Variants in KCNIP4 observed in about 807,000 individuals in gnomAD.
The protein encoded by KCNIP4 is potassium voltage-gated channel interacting protein 4, also known as Kv channel-interacting protein 4.
Under a neutral mutation model 34.0 loss-of-function variants are expected in KCNIP4, and 12 were observed. The ratio of observed to expected loss-of-function variants is 0.35; its 90% CI spans 0.23 to 0.57. KCNIP4 has a LOEUF of 0.57. Ranked by LOEUF, KCNIP4 falls within the 20% of genes least tolerant of loss-of-function variation. The pLI is 0.83. For synonymous variants in KCNIP4, 124 were observed against 102.2 expected (o/e 1.21, Z -1.29); for missense variants, 238 against 311.7 (o/e 0.76, Z 1.78).
At position 21,238,342 on chromosome 4, in the gene KCNIP4, C is replaced by A. The variant is rs1322581719; in HGVS notation, c.62-355633G>T. ...CACAAGACAGGGATGCCCTCTCTCA[C>A]CACTCCTATTCAACATAATGTTGGA... On this transcript the variant is annotated intron_variant, in intron 1 of 8. Coordinates refer to ENST00000382152, the MANE Select transcript of KCNIP4 (RefSeq NM_025221.6). Among the ~76,000 whole-genome samples, 6 of 152,112 alleles carry A rather than the reference C, an allele frequency of 3.9e-5. No individual in the cohort carries two copies. The East Asian group carries it at 1.2e-3, about 29-fold the overall frequency.
chr4:21,764,274 TG>T, intron 1 of KCNIP4, among the ~76,000 whole-genome samples: 1 of 152,178 alleles, frequency 6.6e-6, no homozygotes, highest in Non-Finnish European at 1.5e-5. Flanking sequence ...AGACAAACTT[TG>T]AAGTTCAGAA....
chr4:21,117,786 G>A (rs1749818337), intron 1 of KCNIP4, among the ~76,000 whole-genome samples: 1 of 151,994 alleles, frequency 6.6e-6, no homozygotes, highest in Non-Finnish European at 1.5e-5. Context: ...ATCCCTACTT[G>A]TTTTGCCTCT....
chr4:21,231,582 T>C (rs949999296), intron 1 of KCNIP4, among the ~76,000 whole-genome samples: 1 of 152,120 alleles, frequency 6.6e-6, no homozygotes, highest in African/African-American at 2.4e-5. Context: ...GTTGGCTCTT[T>C]TGTAAAAAAA....
chr4:20,900,749 T>C (rs1301706930), intron 1 of KCNIP4, among the ~76,000 whole-genome samples: 2 of 151,898 alleles, frequency 1.3e-5, no homozygotes, highest in Non-Finnish European at 2.9e-5. Context: ...CCCAGCACTG[T>C]CAACAGACTT....
chr4:20,992,919 T>C (rs1212445115), intron 1 of KCNIP4, among the ~76,000 whole-genome samples: 1 of 149,750 alleles, frequency 6.7e-6, no homozygotes, highest in Non-Finnish European at 1.5e-5. Context: ...TCCCAGCTAC[T>C]CTGGAGGCTG....
At chr4:21,015,697 A>G (rs1169543794) in intron 1 of KCNIP4, among the ~76,000 whole-genome samples, 1 of 132,974 alleles carries the variant, frequency 7.5e-6, no homozygotes, top group Non-Finnish European at 1.5e-5. Context: ...TTAATATAAT[A>G]TAATATATTA....
chr4:21,195,966 G>A (rs1756027732), intron 1 of KCNIP4, among the ~76,000 whole-genome samples: 1 of 152,156 alleles, frequency 6.6e-6, no homozygotes, highest in Non-Finnish European at 1.5e-5. Flanking sequence ...CCAGATTTGG[G>A]CAACTCAAGT....
chr4:20,943,341 A>T, intron 1 of KCNIP4, among the ~76,000 whole-genome samples: 1 of 152,210 alleles, frequency 6.6e-6, no homozygotes, highest in Non-Finnish European at 1.5e-5. Context: ...AGCCTATAAG[A>T]CTGTATTCTC....
intron 1 of KCNIP4, among the ~76,000 whole-genome samples, chr4:21,674,237 T>C (rs1749715326): frequency 6.6e-6 from 1 of 152,180 alleles, no homozygotes. Context: ...ACACTGAACA[T>C]GGAAGATCAC....
intron 1 of KCNIP4, chr4:20,916,343 G>C (rs1243259832): frequency 1.0e-6 from 1 of 983,950 alleles, no homozygotes; most frequent in African/African-American, 1.8e-5. Context: ...TTGTTATGGT[G>C]CACTTGCCTC....
At chr4:21,143,634 C>T (rs1752136235) in intron 1 of KCNIP4, among the ~76,000 whole-genome samples, 1 of 152,080 alleles carries the variant, frequency 6.6e-6, no homozygotes, top group African/African-American at 2.4e-5. Context: ...ATTTGTTACA[C>T]TGTAATAGAA....
chr4:21,375,628 G>A (rs1720891521), intron 1 of KCNIP4, among the ~76,000 whole-genome samples: 1 of 150,776 alleles, frequency 6.6e-6, no homozygotes, highest in Non-Finnish European at 1.5e-5. Context: ...GTGCAGTGGT[G>A]CGATCTCTGC....
chr4:21,071,572 C>T (rs1744924858), intron 1 of KCNIP4, among the ~76,000 whole-genome samples: 1 of 152,106 alleles, frequency 6.6e-6, no homozygotes, highest in Non-Finnish European at 1.5e-5. Flanking sequence ...ACTTGGCTGT[C>T]TATACAATTT....
intron 1 of KCNIP4, among the ~76,000 whole-genome samples, chr4:21,446,072 A>T (rs1727959505): frequency 6.6e-6 from 1 of 152,212 alleles, no homozygotes; most frequent in African/African-American, 2.4e-5. Flanking sequence ...AACCACAATG[A>T]GATACCATCT....
intron 1 of KCNIP4, among the ~76,000 whole-genome samples, chr4:21,342,621 A>G (rs1578102531): frequency 6.6e-6 from 1 of 151,910 alleles, no homozygotes; most frequent in South Asian, 2.1e-4. Flanking sequence ...TGAGAACTTG[A>G]TAAGTAAAAT....
At chr4:20,764,756 G>A (rs539145386) in intron 3 of KCNIP4, among the ~76,000 whole-genome samples, 21 of 151,278 alleles carry the variant, frequency 1.4e-4, no homozygotes, top group African/African-American at 5.1e-4. Context: ...GAATCCAATC[G>A]TCATTCTGAA....
At chr4:21,631,608 G>A (rs10000725) in intron 1 of KCNIP4, among the ~76,000 whole-genome samples, 334 of 152,158 alleles carry the variant, frequency 2.2e-3, no homozygotes, top group African/African-American at 7.1e-3. Flanking sequence ...GCAACTCCAC[G>A]GTATAAAAAC....
chr4:21,278,026 C>T (rs917909435), intron 1 of KCNIP4, among the ~76,000 whole-genome samples: 1 of 151,814 alleles, frequency 6.6e-6, no homozygotes, highest in Middle Eastern at 3.2e-3. Flanking sequence ...CTCCTAAATT[C>T]CAATATAAAT....
At chr4:21,234,046 T>C (rs1362857775) in intron 1 of KCNIP4, among the ~76,000 whole-genome samples, 1 of 115,708 alleles carries the variant, frequency 8.6e-6, no homozygotes, top group Non-Finnish European at 1.6e-5. Flanking sequence ...ATATAACATA[T>C]ATAACACATA....
Sources: gnomAD v4.1 joint callset for allele counts (sites outside exome capture counted in the v4.1 genomes callset) on GRCh38, gnomAD v4.1.1 for gene constraint, MANE v1.5 for transcripts, NCBI Gene and HGNC (gene_info 2026-07-23, HGNC 2026-07-21) for gene names.